HHAT: variants seen among roughly 807,000 people sequenced by gnomAD.
HHAT encodes protein-cysteine N-palmitoyltransferase HHAT.
A neutral mutation model predicts 70.8 loss-of-function variants in HHAT; 47 were observed. The ratio of observed to expected loss-of-function variants is 0.66; its 90% CI spans 0.53 to 0.85. HHAT has a LOEUF of 0.85. Among genes scored for constraint, HHAT ranks in the 40% least tolerant of loss-of-function variants. HHAT has a pLI of 0.00. For missense variants in HHAT, 609 were observed against 604.8 expected (o/e 1.01, Z -0.07); for synonymous variants, 228 against 247.6 (o/e 0.92, Z 0.74).
At chr1:210,327,615 C>G (rs947165951), upstream of HHAT, among the ~76,000 whole-genome samples, 1 of 152,036 alleles carries the variant, frequency 6.6e-6, no homozygotes, top group East Asian at 1.9e-4. Context: ...AAGCGATTCT[C>G]GTGCCTCAGC....
At chr1:210,417,197 T>C (rs2092748000) in intron 6 of HHAT, among the ~76,000 whole-genome samples, 1 of 152,186 alleles carries the variant, frequency 6.6e-6, no homozygotes, top group Admixed American at 6.5e-5. Context: ...TCAATATTGT[T>C]TTGATGGCAA....
At chr1:210,547,155 C>G (rs941879128) in intron 9 of HHAT, among the ~76,000 whole-genome samples, 13 of 152,084 alleles carry the variant, frequency 8.5e-5, no homozygotes, top group African/African-American at 2.7e-4. Flanking sequence ...CATGGTGGAA[C>G]CCCGTTGCTA....
intron 10 of HHAT, among the ~76,000 whole-genome samples, chr1:210,608,186 T>C (rs761687690): frequency 3.9e-5 from 6 of 152,166 alleles, no homozygotes; most frequent in Non-Finnish European, 8.8e-5. Context: ...CGTGGTTCTT[T>C]AGGGCAGTTA....
At chr1:210,404,307 T>C (rs1044605549) in intron 5 of HHAT, among the ~76,000 whole-genome samples, 157 bp from the exon 6 acceptor site, 3 of 152,200 alleles carry the variant, frequency 2.0e-5, no homozygotes, top group Non-Finnish European at 4.4e-5. Flanking sequence ...TCGACTGCCT[T>C]TTATGGCACA....
chr1:210,464,510 C>G lies in HHAT; in HGVS notation c.862C>G (p.Leu288Val), dbSNP rs1435982918. The G allele has an allele frequency of 6.2e-7, 1 of 1,614,168 alleles. No homozygotes were observed. The highest frequency in any genetic ancestry group is 8.5e-7 in the Non-Finnish European group (1 of 1,179,992). ...CTGGTCTGTTTGCCTTTCAGGAGGA[C>G]TGGCGTTAGCCCAGGTGCTCTTTTT... ...ETVSCWTLGGLALAQVLFFYV... is the reference protein window; with the variant it reads ...ETVSCWTLGGVALAQVLFFYV... Residue 288 changes from leucine to valine, a missense_variant, in exon 8 of 12, where the codon CTG becomes GTG. Coordinates refer to ENST00000261458, the MANE Select transcript of HHAT (RefSeq NM_018194.6).
At chr1:210,363,409 A>T (rs1183127546) in intron 3 of HHAT, among the ~76,000 whole-genome samples, 1 of 152,022 alleles carries the variant, frequency 6.6e-6, no homozygotes, top group Non-Finnish European at 1.5e-5. Context: ...CATTTTGTCT[A>T]CTTTGGTAGC....
intron 9 of HHAT, among the ~76,000 whole-genome samples, chr1:210,535,456 G>GTGTGTGTGTGTGTGTGT (rs1394781594): frequency 7.8e-4 from 109 of 140,220 alleles, no homozygotes; most frequent in African/African-American, 2.7e-3. Flanking sequence ...TGTGTGTGTG[G>GTGTGTGTGTGTGTGTGT]GGTAAAATAA....
In HHAT at chr1:210,425,538, C is replaced by T. The variant is rs534830548; in HGVS notation, c.856+7213C>T. Among the ~76,000 whole-genome samples the T allele has an allele frequency of 1.7e-4, 26 of 152,150 alleles. No homozygotes were observed. In the South Asian group the frequency reaches 5.4e-3, roughly 31 times the overall value. On this transcript the variant is annotated intron_variant, in intron 7 of 11. Coordinates refer to ENST00000261458, the MANE Select transcript of HHAT (RefSeq NM_018194.6). ...TTTGTATGTGCTATAAAGAAGGGGT[C>T]CAGTTTTAGTCTTCTGCATGTGGCT... is the stretch of plus-strand genomic sequence containing the variant.
chr1:210,347,664 A>G (rs2086641377), intron 1 of HHAT, among the ~76,000 whole-genome samples: 2 of 152,216 alleles, frequency 1.3e-5, no homozygotes, highest in South Asian at 2.1e-4. Flanking sequence ...GGAGAGATCT[A>G]GAATAGGAGA....
intron 11 of HHAT, among the ~76,000 whole-genome samples, chr1:210,645,525 C>T (rs1673863015): frequency 6.6e-6 from 1 of 152,180 alleles, no homozygotes; most frequent in Non-Finnish European, 1.5e-5. Context: ...AATGCAGTCC[C>T]TTTATCGCAA....
chr1:210,336,287 A>ATTTTTTTTTTTTTTTGTTTTTTTTTTT (rs2085480078), intron 1 of HHAT, among the ~76,000 whole-genome samples: 1 of 84,626 alleles, frequency 1.2e-5, no homozygotes, highest in Non-Finnish European at 2.4e-5. Flanking sequence ...TGCCTGGCTA[A>ATTTTTTTTTTTTTTTGTTTTTTTTTTT]TTTTTTTTTT....
chr1:210,337,495 G>A (rs1478253689), intron 1 of HHAT, among the ~76,000 whole-genome samples: 1 of 152,092 alleles, frequency 6.6e-6, no homozygotes, highest in East Asian at 1.9e-4. Flanking sequence ...CATTTGTTCT[G>A]AAGGTTCTAG....
intron 7 of HHAT, among the ~76,000 whole-genome samples, chr1:210,427,657 G>A (rs750485687): frequency 3.9e-5 from 6 of 152,084 alleles, no homozygotes; most frequent in Non-Finnish European, 7.4e-5. Context: ...ATAGTGCTGT[G>A]GTCCAAGAGA....
At chr1:210,343,462 C>CA (rs1485469104) in intron 1 of HHAT, among the ~76,000 whole-genome samples, 1 of 152,160 alleles carries the variant, frequency 6.6e-6, no homozygotes, top group African/African-American at 2.4e-5. Flanking sequence ...GTAACCATTG[C>CA]AGTCAGCTAC....
intron 8 of HHAT, among the ~76,000 whole-genome samples, chr1:210,505,179 A>G (rs758707120): frequency 1.2e-4 from 18 of 152,282 alleles, no homozygotes; most frequent in Middle Eastern, 3.4e-3. Flanking sequence ...GATTACAGGC[A>G]TGAACCACCA....
chr1:210,435,508 T>C (rs918211835), intron 7 of HHAT, among the ~76,000 whole-genome samples: 1 of 151,846 alleles, frequency 6.6e-6, no homozygotes, highest in Non-Finnish European at 1.5e-5. Flanking sequence ...TGCTGGATCA[T>C]ATGGTGGTTC....
chr1:210,515,852 G>C (rs916296310), intron 9 of HHAT, among the ~76,000 whole-genome samples: 7 of 151,468 alleles, frequency 4.6e-5, no homozygotes, highest in African/African-American at 1.7e-4. Context: ...CAGATCACTT[G>C]AAGCCAGGAA....
intron 4 of HHAT, among the ~76,000 whole-genome samples, chr1:210,389,373 AT>A (rs2091300066): frequency 6.6e-6 from 1 of 152,182 alleles, no homozygotes; most frequent in Admixed American, 6.5e-5. Context: ...TCCTCTTCTT[AT>A]AAAGCCACCA....
intron 10 of HHAT, among the ~76,000 whole-genome samples, chr1:210,595,355 C>T (rs1662731742): frequency 1.3e-5 from 2 of 152,164 alleles, no homozygotes; most frequent in African/African-American, 4.8e-5. Context: ...TTTCCTAATC[C>T]AGTCTATCAT....
Sources: allele counts gnomAD v4.1 joint callset (sites outside exome capture counted in the v4.1 genomes callset), GRCh38; gene constraint gnomAD v4.1.1; transcripts MANE v1.5; gene names NCBI Gene and HGNC (gene_info 2026-07-23, HGNC 2026-07-21).